CLNK: variants seen among roughly 807,000 people sequenced by gnomAD.
The protein encoded by CLNK is cytokine-dependent hematopoietic cell linker.
CLNK carries 74 observed loss-of-function variants against 68.6 expected under a neutral mutation model. That is an observed-to-expected ratio of 1.08 (90% confidence interval 0.89 to 1.31). The LOEUF is 1.31. CLNK is among the 50% of genes most tolerant of loss of function. The probability of loss-of-function intolerance (pLI) is 0.00; values close to 1 mark genes in which losing one functional copy is unlikely to be tolerated. For missense variants in CLNK, 553 were observed against 515.3 expected (o/e 1.07, Z -0.71); for synonymous variants, 198 against 172.2 (o/e 1.15, Z -1.17).
At chr4:10,520,346 C>A (rs1718007125) in intron 15 of CLNK, among the ~76,000 whole-genome samples, 2 of 152,092 alleles carry the variant, frequency 1.3e-5, no homozygotes, top group Admixed American at 1.3e-4. Flanking sequence ...GTTTTGCACC[C>A]AATGGATTGG....
chr4:10,529,783 C>A (rs990037865), intron 12 of CLNK, among the ~76,000 whole-genome samples: 5 of 152,104 alleles, frequency 3.3e-5, no homozygotes, highest in African/African-American at 1.2e-4. Flanking sequence ...TGCAGAGAAG[C>A]CCTCTATCTG....
chr4:10,693,694 A>T, the CLNK span, among the ~76,000 whole-genome samples: 2 of 152,226 alleles, frequency 1.3e-5, no homozygotes, highest in Non-Finnish European at 2.9e-5. Flanking sequence ...AGAGCCATAC[A>T]TTTACAACTC....
chr4:10,719,553 A>G, the CLNK span, among the ~76,000 whole-genome samples: 2 of 152,132 alleles, frequency 1.3e-5, no homozygotes, highest in Non-Finnish European at 2.9e-5. Flanking sequence ...AAGAAACAGA[A>G]TTATAAAATA....
intron 4 of CLNK, among the ~76,000 whole-genome samples, chr4:10,584,231 C>T (rs1720892081): frequency 1.3e-5 from 2 of 152,158 alleles, no homozygotes; most frequent in Admixed American, 6.5e-5. Flanking sequence ...TTTTGTACTC[C>T]CACATGCTCT....
At chr4:10,491,162 C>T (rs535890834) in intron 18 of CLNK, among the ~76,000 whole-genome samples, 4 of 152,170 alleles carry the variant, frequency 2.6e-5, no homozygotes, top group Non-Finnish European at 2.9e-5. Context: ...AAAAGTGAGC[C>T]CTATGGCAGC....
chr4:10,598,156 A>AAT, intron 2 of CLNK, 107 bp from the exon 3 acceptor site: 1 of 719,504 alleles, frequency 1.4e-6, no homozygotes, highest in East Asian at 2.7e-5. Context: ...AGATTTAAGT[A>AAT]ATTATGTCTC....
At chr4:10,621,582 C>T (rs2720358) in intron 2 of CLNK, among the ~76,000 whole-genome samples, 103,458 of 152,068 alleles carry the variant, frequency 0.68, 36,233 homozygotes, top group East Asian at 0.77. Context: ...CTGGAATCTG[C>T]AGCCCTTGAA....
intron 18 of CLNK, among the ~76,000 whole-genome samples, chr4:10,495,506 C>G (rs543663042): frequency 8.5e-5 from 13 of 152,296 alleles, no homozygotes; most frequent in African/African-American, 3.1e-4. Context: ...ATACTGTAGG[C>G]TTACAATTAA....
chr4:10,588,712 A>C (rs1010954465), intron 3 of CLNK, among the ~76,000 whole-genome samples: 1 of 152,198 alleles, frequency 6.6e-6, no homozygotes, highest in Non-Finnish European at 1.5e-5. Flanking sequence ...GGTTGGATAT[A>C]AGTATATACT....
chr4:10,712,040 A>C, the CLNK span, among the ~76,000 whole-genome samples: 1 of 152,232 alleles, frequency 6.6e-6, no homozygotes, highest in Non-Finnish European at 1.5e-5. Context: ...GAAAGTTCAA[A>C]GTAGGTGATC....
chr4:10,519,971 GCAGGATCAGTGGAGAACCT>G (rs1351517737), intron 15 of CLNK, among the ~76,000 whole-genome samples: 2 of 151,824 alleles, frequency 1.3e-5, no homozygotes, highest in Non-Finnish European at 2.9e-5. Context: ...AGAATTAGGA[GCAGGATCAGTGGAGAACCT>G]CATCCTCTCC....
At chr4:10,557,956 AATTG>A (rs1474034040) in intron 8 of CLNK, among the ~76,000 whole-genome samples, 1 of 152,150 alleles carries the variant, frequency 6.6e-6, no homozygotes, top group Admixed American at 6.5e-5. Flanking sequence ...GCACTACTGA[AATTG>A]ATTATTTGCT....
At chr4:10,490,713 A>T (rs1215428905) in intron 18 of CLNK, 100 bp from the exon 19 acceptor site, 7 of 898,368 alleles carry the variant, frequency 7.8e-6, no homozygotes, top group Non-Finnish European at 1.0e-5. Context: ...GGAAGAGGTG[A>T]ACCAATTTAA....
chr4:10,634,713 C>CT (rs1183072467), intron 2 of CLNK, among the ~76,000 whole-genome samples: 1 of 152,176 alleles, frequency 6.6e-6, no homozygotes, highest in Non-Finnish European at 1.5e-5. Context: ...GCTTCTGAAG[C>CT]TTTTTTGCTT....
chr4:10,488,320 A>G lies in CLNK; in HGVS notation c.*2147T>C, dbSNP rs1276173222. ...GAGGACTCATAGACATTTCTTGAGA[A>G]CATAGCATTGAATGGCATGGCCTCA... is the stretch of plus-strand genomic sequence containing the variant. On this transcript the variant is annotated 3_prime_UTR_variant, in exon 19 of 19. Coordinates refer to ENST00000226951, the MANE Select transcript of CLNK (RefSeq NM_052964.4). 1.3e-5 allele frequency: 2 copies of G among 152,246 alleles called. No homozygotes were observed. Among genetic ancestry groups the G allele is most frequent in the Non-Finnish European group, 2.9e-5 (2 of 68,048 alleles). 9.4% of individuals were successfully genotyped at this position (152,246 alleles called of 1,614,324 possible).
chr4:10,519,895 G>T (rs988248164), intron 15 of CLNK, among the ~76,000 whole-genome samples: 4 of 152,118 alleles, frequency 2.6e-5, no homozygotes, highest in African/African-American at 9.7e-5. Context: ...TGAATTTTAT[G>T]AAAAGGGAAA....
At chr4:10,516,791 T>C (rs1169491378) in intron 15 of CLNK, among the ~76,000 whole-genome samples, 1 of 152,174 alleles carries the variant, frequency 6.6e-6, no homozygotes, top group Non-Finnish European at 1.5e-5. Context: ...TCTCAGGCGA[T>C]CCGCCCACCT....
chr4:10,546,649 T>C (rs553162647), intron 8 of CLNK, among the ~76,000 whole-genome samples: 3 of 152,352 alleles, frequency 2.0e-5, no homozygotes, highest in African/African-American at 7.2e-5. Flanking sequence ...TACAAATTCT[T>C]CTACTTTTGC....
chr4:10,562,121 G>A (rs1375133997), intron 7 of CLNK, among the ~76,000 whole-genome samples: 2 of 102,078 alleles, frequency 2.0e-5, no homozygotes, highest in South Asian at 6.1e-4. Context: ...TTTTTTTTGA[G>A]ACAGGGTCTC....
Sources: allele counts gnomAD v4.1 joint callset (sites outside exome capture counted in the v4.1 genomes callset), GRCh38; gene constraint gnomAD v4.1.1; transcripts MANE v1.5; gene names NCBI Gene and HGNC (gene_info 2026-07-23, HGNC 2026-07-21).